Variants in ACTR3C observed in about 807,000 individuals in gnomAD.
ACTR3C encodes actin-related protein 3C.
ACTR3C carries 18 observed loss-of-function variants against 26.3 expected under a neutral mutation model. The observed-to-expected ratio is 0.68, with a 90% CI of 0.47 to 1.01. The LOEUF (loss-of-function observed/expected upper bound fraction) is 1.01, where lower values mean the gene tolerates loss of function less well. Among genes scored for constraint, ACTR3C ranks in the 50% least tolerant of loss-of-function variants. The pLI is 0.00. For missense variants in ACTR3C, 184 were observed against 250.7 expected (o/e 0.73, Z 1.80); for synonymous variants, 55 against 94.5 (o/e 0.58, Z 2.42).
chr7:150,042,316 A>T, the ACTR3C span, among the ~76,000 whole-genome samples: 171 of 27,412 alleles, frequency 6.2e-3, 2 homozygotes, highest in Middle Eastern at 0.033. Flanking sequence ...GGGAAGAGGG[A>T]CTGGCTCTCA....
chr7:150,032,212 C>G, the ACTR3C span, among the ~76,000 whole-genome samples: 1 of 152,136 alleles, frequency 6.6e-6, no homozygotes, highest in Non-Finnish European at 1.5e-5. Flanking sequence ...GGAACAGTCA[C>G]CCATTTAGGG....
At chr7:150,039,437 C>T in the ACTR3C span, among the ~76,000 whole-genome samples, 1 of 28,302 alleles carries the variant, frequency 3.5e-5, no homozygotes, top group Non-Finnish European at 7.5e-5. Context: ...CGCGGGGGTG[C>T]CTCCCCCCCT....
the ACTR3C span, among the ~76,000 whole-genome samples, chr7:150,234,016 T>G: frequency 2.3e-4 from 35 of 152,298 alleles, no homozygotes; most frequent in Admixed American, 3.9e-4. Context: ...TTGCTGTAGA[T>G]GTAGGTAGCG....
At chr7:150,250,493 G>T (rs1256398219) in intron 6 of ACTR3C, among the ~76,000 whole-genome samples, 6 of 151,912 alleles carry the variant, frequency 3.9e-5, no homozygotes, top group Admixed American at 1.3e-4. Context: ...TTGAGCCACT[G>T]CGCCCGGCCG....
the ACTR3C span, among the ~76,000 whole-genome samples, chr7:150,067,937 C>T: frequency 1.1e-3 from 160 of 152,054 alleles, 1 homozygote; most frequent in Non-Finnish European, 2.0e-3. Flanking sequence ...AAAATGAACT[C>T]CTAGAACAAT....
chr7:150,222,664 GAGGAGCTCA>G, the ACTR3C span, among the ~76,000 whole-genome samples: 1 of 152,224 alleles, frequency 6.6e-6, no homozygotes, highest in South Asian at 2.1e-4. Context: ...GTGGCCCTGA[GAGGAGCTCA>G]TCATGATCTC....
chr7:149,956,415 T>TAAAC, the ACTR3C span, among the ~76,000 whole-genome samples: 5 of 152,028 alleles, frequency 3.3e-5, no homozygotes, highest in Admixed American at 6.5e-5. Context: ...AAAAAGTAAA[T>TAAAC]AAACAAACAA....
At chr7:150,115,384 G>C in the ACTR3C span, among the ~76,000 whole-genome samples, 1 of 152,194 alleles carries the variant, frequency 6.6e-6, no homozygotes, top group Non-Finnish European at 1.5e-5. Context: ...ATTAGTCCTC[G>C]ACAGAATTTC....
the ACTR3C span, among the ~76,000 whole-genome samples, chr7:149,912,504 A>ATTT: frequency 2.8e-4 from 39 of 139,658 alleles, no homozygotes; most frequent in African/African-American, 9.6e-4. Flanking sequence ...AGATATATTA[A>ATTT]TTTTTTTTTT....
At chr7:149,927,417 T>G in the ACTR3C span, among the ~76,000 whole-genome samples, 2 of 107,026 alleles carry the variant, frequency 1.9e-5, no homozygotes, top group Non-Finnish European at 3.8e-5. Context: ...TCACAATATG[T>G]GGAATGACTA....
chr7:150,291,050 G>A (rs1167638930), intron 3 of ACTR3C, among the ~76,000 whole-genome samples: 2 of 152,188 alleles, frequency 1.3e-5, no homozygotes, highest in African/African-American at 4.8e-5. Flanking sequence ...TGTATTATAT[G>A]TACAATCCCA....
the ACTR3C span, among the ~76,000 whole-genome samples, chr7:149,907,474 TCTCTTCTCTCTC>T: frequency 1.8e-3 from 149 of 80,660 alleles, no homozygotes; most frequent in Admixed American, 2.4e-3. Flanking sequence ...TTGCCTCTCT[TCTCTTCTCTCTC>T]TCTCTCTCTC....
chr7:149,944,753 A>G, the ACTR3C span, among the ~76,000 whole-genome samples: 1 of 151,262 alleles, frequency 6.6e-6, no homozygotes, highest in Non-Finnish European at 1.5e-5. Context: ...CAGCACCTCC[A>G]GCAACCCCTT....
the ACTR3C span, among the ~76,000 whole-genome samples, chr7:150,022,675 A>G: frequency 1.3e-5 from 2 of 152,088 alleles, no homozygotes; most frequent in Non-Finnish European, 2.9e-5. Flanking sequence ...AAAGCATTAA[A>G]TGGAGACCTA....
chr7:150,275,694 A>G (rs528668444), intron 6 of ACTR3C, among the ~76,000 whole-genome samples: 3 of 150,812 alleles, frequency 2.0e-5, no homozygotes, highest in East Asian at 1.9e-4. Context: ...CTGGGTGACA[A>G]GAGCGAAAAC....
At chr7:150,240,433 C>T (rs1258628716), downstream of ACTR3C, among the ~76,000 whole-genome samples, 4 of 152,040 alleles carry the variant, frequency 2.6e-5, no homozygotes, top group East Asian at 1.9e-4. Flanking sequence ...TATTCTTTAC[C>T]GGGACAGCAT....
the ACTR3C span, among the ~76,000 whole-genome samples, chr7:150,029,894 A>G: frequency 6.6e-6 from 1 of 151,054 alleles, no homozygotes; most frequent in Non-Finnish European, 1.5e-5. Context: ...CACCTGAGAT[A>G]GCTTTCTCCT....
chr7:150,298,262 T>A (rs1171688752), intron 1 of ACTR3C, among the ~76,000 whole-genome samples: 1 of 149,928 alleles, frequency 6.7e-6, no homozygotes. Flanking sequence ...CTTTTAATCA[T>A]TACCAAGAAC....
chr7:150,023,687 T>C, the ACTR3C span, among the ~76,000 whole-genome samples: 1 of 150,082 alleles, frequency 6.7e-6, no homozygotes, highest in Middle Eastern at 3.2e-3. Context: ...GGTTTTATTC[T>C]GGATCTTGGC....
Sources: allele counts gnomAD v4.1 joint callset (sites outside exome capture counted in the v4.1 genomes callset), GRCh38; gene constraint gnomAD v4.1.1; transcripts MANE v1.5; gene names NCBI Gene and HGNC (gene_info 2026-07-23, HGNC 2026-07-21).